CCSER1: variants seen among roughly 807,000 people sequenced by gnomAD.
CCSER1 encodes the protein serine-rich coiled-coil domain-containing protein 1.
A neutral mutation model predicts 82.0 loss-of-function variants in CCSER1; 41 were observed. The ratio of observed to expected loss-of-function variants is 0.50; its 90% CI spans 0.39 to 0.65. The LOEUF (loss-of-function observed/expected upper bound fraction) is 0.65, where lower values mean the gene tolerates loss of function less well. Among genes scored for constraint, CCSER1 ranks in the 30% least tolerant of loss-of-function variants. The pLI is 0.00. For synonymous variants in CCSER1, 414 were observed against 383.9 expected, an observed-to-expected ratio of 1.08 and a Z score of -0.92; for missense variants, 1,119 against 1,064.2, an observed-to-expected ratio of 1.05 and a Z score of -0.72.
intron 1 of CCSER1, among the ~76,000 whole-genome samples, chr4:90,154,637 A>T (rs1195359956): frequency 6.8e-6 from 1 of 147,898 alleles, no homozygotes; most frequent in African/African-American, 2.5e-5. Context: ...TTCTCTTTGA[A>T]GCAATTGTGA....
chr4:91,370,341 T>A (rs533723321), intron 10 of CCSER1, among the ~76,000 whole-genome samples: 1 of 152,254 alleles, frequency 6.6e-6, no homozygotes, highest in African/African-American at 2.4e-5. Context: ...CCAGAAAATA[T>A]AATTGAGAAA....
At chr4:90,562,429 A>G (rs938346460) in intron 5 of CCSER1, among the ~76,000 whole-genome samples, 5 of 152,218 alleles carry the variant, frequency 3.3e-5, no homozygotes, top group Non-Finnish European at 7.3e-5. Context: ...GAAAACACAT[A>G]GTGAATCATG....
intron 10 of CCSER1, among the ~76,000 whole-genome samples, chr4:91,531,472 A>G (rs1336752393): frequency 5.3e-5 from 8 of 152,236 alleles, no homozygotes; most frequent in Admixed American, 4.6e-4. Flanking sequence ...AATGTAAGAA[A>G]ATACCAAATT....
chr4:91,207,827 A>G (rs1736468615), intron 10 of CCSER1, among the ~76,000 whole-genome samples: 1 of 151,924 alleles, frequency 6.6e-6, no homozygotes, highest in African/African-American at 2.4e-5. Context: ...CAATGGTTGA[A>G]CTAATTTCCA....
At chr4:90,990,028 C>T (rs1324926743) in intron 9 of CCSER1, among the ~76,000 whole-genome samples, 1 of 151,838 alleles carries the variant, frequency 6.6e-6, no homozygotes. Context: ...CAGATGCGAC[C>T]TTGAAATGTA....
intron 4 of CCSER1, among the ~76,000 whole-genome samples, chr4:90,442,777 G>A (rs1264650671): frequency 6.6e-6 from 1 of 152,166 alleles, no homozygotes. Context: ...CTTTCCAGAA[G>A]CAAACAGTGA....
intron 9 of CCSER1, among the ~76,000 whole-genome samples, chr4:91,075,415 T>A (rs542017556): frequency 7.2e-5 from 11 of 152,144 alleles, no homozygotes; most frequent in Non-Finnish European, 1.6e-4. Context: ...CAGAGTATTT[T>A]TAAATATGCT....
At chr4:90,818,207 T>G (rs1024075968) in intron 8 of CCSER1, among the ~76,000 whole-genome samples, 1 of 151,960 alleles carries the variant, frequency 6.6e-6, no homozygotes, top group African/African-American at 2.4e-5. Flanking sequence ...TCATCAATAG[T>G]GGGAAGAGTT....
At chr4:90,393,707 A>G (rs1405671786) in intron 3 of CCSER1, among the ~76,000 whole-genome samples, 1 of 151,922 alleles carries the variant, frequency 6.6e-6, no homozygotes, top group African/African-American at 2.4e-5. Context: ...TAAAAATATT[A>G]ATAAAGAGAT....
intron 10 of CCSER1, among the ~76,000 whole-genome samples, chr4:91,136,578 T>C (rs569041330): frequency 6.6e-6 from 1 of 152,258 alleles, no homozygotes; most frequent in Admixed American, 6.5e-5. Flanking sequence ...CTCCCCAACA[T>C]TGGGAGAATT....
At chr4:90,893,885 G>T (rs62312270) in intron 8 of CCSER1, among the ~76,000 whole-genome samples, 1 of 151,450 alleles carries the variant, frequency 6.6e-6, no homozygotes, top group Non-Finnish European at 1.5e-5. Context: ...CTCATTTCCC[G>T]TGTTAAATTA....
At chr4:91,172,556 C>G (rs990158120) in intron 10 of CCSER1, among the ~76,000 whole-genome samples, 13 of 152,166 alleles carry the variant, frequency 8.5e-5, no homozygotes, top group Non-Finnish European at 1.9e-4. Context: ...AATATTCATT[C>G]TACATCATCT....
intron 9 of CCSER1, among the ~76,000 whole-genome samples, chr4:91,059,490 C>T (rs138201367): frequency 4.7e-4 from 69 of 148,076 alleles, no homozygotes; most frequent in African/African-American, 1.6e-3. Flanking sequence ...TCCAAAATAC[C>T]AGTCCCGATT....
chr4:90,517,658 A>C (rs925382611), intron 5 of CCSER1, among the ~76,000 whole-genome samples: 1 of 152,186 alleles, frequency 6.6e-6, no homozygotes, highest in Admixed American at 6.6e-5. Flanking sequence ...TAATCATGAT[A>C]TCATTTAAGC....
At chr4:91,060,435 G>C (rs925608882) in intron 9 of CCSER1, among the ~76,000 whole-genome samples, 3 of 151,874 alleles carry the variant, frequency 2.0e-5, no homozygotes, top group Admixed American at 6.6e-5. Context: ...TAAATAAGAT[G>C]CCCCTTAAAA....
At chr4:91,248,134 C>T (rs1333887117) in intron 10 of CCSER1, among the ~76,000 whole-genome samples, 1 of 152,048 alleles carries the variant, frequency 6.6e-6, no homozygotes, top group African/African-American at 2.4e-5. Flanking sequence ...ATTTAAACAA[C>T]AAGATAAACA....
intron 10 of CCSER1, among the ~76,000 whole-genome samples, chr4:91,482,253 T>A (rs1757965576): frequency 7.8e-6 from 1 of 128,518 alleles, no homozygotes; most frequent in African/African-American, 3.1e-5. Flanking sequence ...ATACAAAAAA[T>A]TAGCCGGGCG....
chr4:90,539,389 T>C (rs1019130460), intron 5 of CCSER1, among the ~76,000 whole-genome samples: 1 of 152,088 alleles, frequency 6.6e-6, no homozygotes, highest in Non-Finnish European at 1.5e-5. Flanking sequence ...TCTCAGTGCA[T>C]ATATTCTAGA....
chr4:90,906,394 T>C (rs985582361), intron 8 of CCSER1, among the ~76,000 whole-genome samples: 1 of 152,134 alleles, frequency 6.6e-6, no homozygotes, highest in African/African-American at 2.4e-5. Context: ...TGTAATACCA[T>C]GCTGACTCTG....
Sources: allele counts gnomAD v4.1 joint callset (sites outside exome capture counted in the v4.1 genomes callset), GRCh38; gene constraint gnomAD v4.1.1; transcripts MANE v1.5; gene names NCBI Gene and HGNC (gene_info 2026-07-23, HGNC 2026-07-21).